Variants in ABCG2 observed in about 807,000 individuals in gnomAD.
ABCG2 encodes ATP binding cassette subfamily G member 2 (JR blood group).
ABCG2 carries 80 observed loss-of-function variants against 73.5 expected under a neutral mutation model. The observed-to-expected ratio is 1.09, with a 90% CI of 0.91 to 1.31. ABCG2 has a LOEUF of 1.31. ABCG2 is among the 50% of genes most tolerant of loss of function. The pLI is 0.00. For missense variants in ABCG2, 796 were observed against 786.2 expected, an observed-to-expected ratio of 1.01 and a Z score of -0.15; for synonymous variants, 269 against 282.4, an observed-to-expected ratio of 0.95 and a Z score of 0.48.
intron 12 of ABCG2, among the ~76,000 whole-genome samples, chr4:88,098,631 G>T (rs934772209): frequency 1.2e-4 from 17 of 140,510 alleles, no homozygotes; most frequent in Admixed American, 1.1e-3. Flanking sequence ...TACATATATA[G>T]AGAGAGACAG....
At chr4:88,117,777 T>A (rs1056288436) in intron 7 of ABCG2, among the ~76,000 whole-genome samples, 1 of 152,224 alleles carries the variant, frequency 6.6e-6, no homozygotes, top group Non-Finnish European at 1.5e-5. Context: ...CCCAAAAATG[T>A]TCAAGTGACA....
At position 88,203,259 on chromosome 4, in the gene ABCG2, G is replaced by A. The variant is rs190722529; in HGVS notation, c.-20+27735C>T. Among the ~76,000 whole-genome samples, 42 of 152,222 alleles carry A rather than the reference G, an allele frequency of 2.8e-4. 1 individual carries two copies. The East Asian group carries it at 8.1e-3, about 29-fold the overall frequency. On this transcript the variant is annotated intron_variant, in intron 1 of 15. Coordinates refer to the ABCG2 transcript ENST00000515655. ...GAAAAGATGAAAGAACTGAGGGAAA[G>A]ACCAGAGAAAGGAATACTCTCCTGT...
At chr4:88,182,864 T>A (rs1429464017) in intron 1 of ABCG2, among the ~76,000 whole-genome samples, 2 of 151,812 alleles carry the variant, frequency 1.3e-5, no homozygotes, top group African/African-American at 4.8e-5. Flanking sequence ...AGCAGGCAGA[T>A]CACGAGGTCA....
chr4:88,189,552 A>G (rs964073787), intron 1 of ABCG2, among the ~76,000 whole-genome samples: 10 of 151,672 alleles, frequency 6.6e-5, no homozygotes, highest in African/African-American at 9.7e-5. Context: ...TAAATAAATA[A>G]ATAAGAAATA....
chr4:88,208,301 T>A (rs1225285832), intron 1 of ABCG2, among the ~76,000 whole-genome samples: 1 of 152,220 alleles, frequency 6.6e-6, no homozygotes, highest in Non-Finnish European at 1.5e-5. Context: ...GATACATAGC[T>A]GGATGATAAG....
At position 88,113,416 on chromosome 4, in the gene ABCG2, T is replaced by A; in HGVS notation, c.1081A>T (p.Ile361Phe). ...TAGCTGATCTCCTTGAAGACTGTGATCTTCTTCTTCTTCTCACCCCCGGAA... is the reference window on the plus strand; with the variant it reads ...TAGCTGATCTCCTTGAAGACTGTGAACTTCTTCTTCTTCTCACCCCCGGAA... ...QLSGGEKKKK[I>F]TVFKEISYTT... The change falls in exon 9 of 16, where the codon ATC becomes TTC. Residue 361 changes from isoleucine to phenylalanine, a missense_variant. Ile to Phe is a conservative substitution (Grantham distance 21). Transcript: ENST00000237612. The A allele has an allele frequency of 6.2e-7, 1 of 1,606,018 alleles. No individual in the cohort carries two copies. The highest frequency in any genetic ancestry group is 8.5e-7 in the Non-Finnish European group (1 of 1,176,060).
At chr4:88,183,298 G>A (rs903254664) in intron 1 of ABCG2, among the ~76,000 whole-genome samples, 3 of 151,414 alleles carry the variant, frequency 2.0e-5, no homozygotes, top group African/African-American at 7.3e-5. Flanking sequence ...TTTTTGAAAA[G>A]TTAAACAAAA....
At chr4:88,181,398 C>CAAAAAAAAAAAAAAAAAAAAAAAAAAAAA (rs57417105) in intron 1 of ABCG2, among the ~76,000 whole-genome samples, 5 of 96,884 alleles carry the variant, frequency 5.2e-5, no homozygotes, top group Non-Finnish European at 9.8e-5. Context: ...GACTCCATCT[C>CAAAAAAAAAAAAAAAAAAAAAAAAAAAAA]AAAAAAAAAA....
intron 1 of ABCG2, among the ~76,000 whole-genome samples, chr4:88,229,140 T>G (rs558349292): frequency 4.1e-4 from 62 of 152,356 alleles, no homozygotes; most frequent in African/African-American, 1.3e-3. Flanking sequence ...GGGTCCGCAC[T>G]ACCTTTGTGA....
At chr4:88,199,464 T>C (rs868264639) in intron 1 of ABCG2, among the ~76,000 whole-genome samples, 2 of 152,122 alleles carry the variant, frequency 1.3e-5, no homozygotes, top group South Asian at 2.1e-4. Context: ...AGGGGAAAAA[T>C]ATTCTTAACT....
chr4:88,216,300 T>C (rs1162951581), intron 1 of ABCG2, among the ~76,000 whole-genome samples: 4 of 152,234 alleles, frequency 2.6e-5, no homozygotes, highest in African/African-American at 4.8e-5. Flanking sequence ...AGATGGACTA[T>C]GCATGGACCT....
intron 1 of ABCG2, among the ~76,000 whole-genome samples, chr4:88,171,093 A>G (rs1309352471): frequency 2.6e-5 from 4 of 152,062 alleles, no homozygotes; most frequent in Non-Finnish European, 5.9e-5. Context: ...ACAAAGAAGG[A>G]AACAACAGAC....
rs750198319 is a variant in ABCG2, at chr4:88,115,040, T to G, written c.860A>C (p.Tyr287Ser). 6.2e-7 allele frequency: 1 copy of G among 1,612,128 alleles called. No homozygotes were observed. Among genetic ancestry groups the G allele is most frequent in the East Asian group, 2.2e-5 (1 of 44,776 alleles). The stretch of plus-strand genomic sequence containing the variant: ...CAAGAAGAAGTCTGCAGGGTTATTA[T>G]AGGCCTCACAGTGATAACCTATGAA... ...FESAGYHCEA[Y>S]NNPADFFLDI... Residue 287 changes from tyrosine (Y) to serine (S), a missense_variant, in exon 8 of 16, where the codon TAT (tyrosine) becomes TCT (serine). By Grantham distance (144) the Tyr-to-Ser change is moderately radical (BLOSUM62 -2). Coordinates refer to ENST00000237612, the MANE Select transcript of ABCG2 (RefSeq NM_004827.3).
At chr4:88,213,625 AAT>A (rs1018515629) in intron 1 of ABCG2, among the ~76,000 whole-genome samples, 2 of 150,930 alleles carry the variant, frequency 1.3e-5, no homozygotes, top group Admixed American at 6.6e-5. Flanking sequence ...TATGTGTGTG[AAT>A]ATATATATAT....
chr4:88,182,046 TA>T (rs1728276309), intron 1 of ABCG2, among the ~76,000 whole-genome samples: 1 of 151,902 alleles, frequency 6.6e-6, no homozygotes, highest in African/African-American at 2.4e-5. Flanking sequence ...ACTTCACCTA[TA>T]AAGACACACA....
intron 12 of ABCG2, among the ~76,000 whole-genome samples, chr4:88,098,401 G>T (rs1722128565): frequency 6.6e-6 from 1 of 151,832 alleles, no homozygotes; most frequent in Non-Finnish European, 1.5e-5. Context: ...TGAAGCCTGA[G>T]CATAATGCAC....
At chr4:88,097,368 C>T in intron 13 of ABCG2, 85 bp downstream of exon 13, 1 of 1,498,712 alleles carries the variant, frequency 6.7e-7, no homozygotes, top group African/African-American at 1.4e-5. Flanking sequence ...ATCCTCAAAA[C>T]AGGTTTTACA....
intron 15 of ABCG2, 113 bp downstream of exon 15, chr4:88,094,464 C>A (rs897200170): frequency 4.8e-6 from 4 of 838,380 alleles, no homozygotes; most frequent in Admixed American, 5.0e-5. Flanking sequence ...AAAACGTAGG[C>A]TCGGAAAAAT....
At chr4:88,205,483 A>T (rs960937174) in intron 1 of ABCG2, among the ~76,000 whole-genome samples, 5 of 152,190 alleles carry the variant, frequency 3.3e-5, no homozygotes, top group African/African-American at 1.2e-4. Flanking sequence ...TAAAAACTAT[A>T]ATATAAATGA....
Sources: allele counts gnomAD v4.1 joint callset (sites outside exome capture counted in the v4.1 genomes callset), GRCh38; gene constraint gnomAD v4.1.1; transcripts MANE v1.5; gene names NCBI Gene and HGNC (gene_info 2026-07-23, HGNC 2026-07-21).